SGCD: variants seen among roughly 807,000 people sequenced by gnomAD.
SGCD encodes delta-sarcoglycan.
Under a neutral mutation model 36.6 loss-of-function variants are expected in SGCD, and 18 were observed. The observed-to-expected ratio is 0.49, with a 90% CI of 0.34 to 0.73. The LOEUF (loss-of-function observed/expected upper bound fraction) is 0.73. SGCD is among the 30% of genes least tolerant of loss of function. The probability of loss-of-function intolerance (pLI) is 0.01; values close to 1 mark genes in which losing one functional copy is unlikely to be tolerated. For missense variants in SGCD, 387 were observed against 346.7 expected (o/e 1.12, Z -0.92); for synonymous variants, 133 against 130.6 (o/e 1.02, Z -0.12).
chr5:156,070,937 C>G (rs1439476183), intron 1 of SGCD, among the ~76,000 whole-genome samples: 1 of 152,140 alleles, frequency 6.6e-6, no homozygotes, highest in Admixed American at 6.5e-5. Flanking sequence ...TTGTAGTATT[C>G]TCTGATGGTA....
chr5:156,535,995 C>A (rs974666283), intron 4 of SGCD, among the ~76,000 whole-genome samples: 1 of 152,048 alleles, frequency 6.6e-6, no homozygotes, highest in African/African-American at 2.4e-5. Context: ...AAGAAAGATG[C>A]GTATGAGACA....
At chr5:156,284,959 G>A (rs375478174) in intron 3 of SGCD, among the ~76,000 whole-genome samples, 1 of 152,044 alleles carries the variant, frequency 6.6e-6, no homozygotes, top group African/African-American at 2.4e-5. Flanking sequence ...TAAGCTGATA[G>A]GCAACTTCAG....
intron 1 of SGCD, among the ~76,000 whole-genome samples, chr5:155,936,044 C>T (rs905522994): frequency 4.6e-5 from 7 of 152,090 alleles, no homozygotes; most frequent in Admixed American, 1.3e-4. Flanking sequence ...AATGCTGTGG[C>T]GCCTGGAAGC....
chr5:156,290,528 G>A (rs1766730703), intron 3 of SGCD, among the ~76,000 whole-genome samples: 1 of 152,150 alleles, frequency 6.6e-6, no homozygotes, highest in Non-Finnish European at 1.5e-5. Context: ...AAACAGGTAG[G>A]TTGGCAGTAT....
chr5:156,497,480 T>A (rs923712143), intron 3 of SGCD, among the ~76,000 whole-genome samples: 1 of 152,126 alleles, frequency 6.6e-6, no homozygotes, highest in Non-Finnish European at 1.5e-5. Flanking sequence ...ACAATGGCCT[T>A]GAATCTGTAA....
At chr5:156,500,597 G>A (rs892360634) in intron 3 of SGCD, among the ~76,000 whole-genome samples, 1 of 152,122 alleles carries the variant, frequency 6.6e-6, no homozygotes, top group Non-Finnish European at 1.5e-5. Context: ...TCTGTTAATA[G>A]ATTTTATTAG....
intron 3 of SGCD, among the ~76,000 whole-genome samples, chr5:156,190,435 A>T (rs1581158355): frequency 1.3e-5 from 2 of 152,302 alleles, no homozygotes; most frequent in East Asian, 3.9e-4. Flanking sequence ...AGGAAATATA[A>T]TAATAAGGGG....
chr5:156,144,142 G>C (rs1762650180), intron 3 of SGCD, among the ~76,000 whole-genome samples: 1 of 151,980 alleles, frequency 6.6e-6, no homozygotes. Context: ...TATCGTTGTT[G>C]GACATTTGGG....
At chr5:156,717,368 CTG>C (rs1337656710) in intron 7 of SGCD, among the ~76,000 whole-genome samples, 1 of 152,204 alleles carries the variant, frequency 6.6e-6, no homozygotes, top group East Asian at 1.9e-4. Flanking sequence ...ACATCCTACA[CTG>C]TCATTCTTCA....
In SGCD at chr5:156,089,434, CT is replaced by C. The variant is rs1348790206; in HGVS notation, c.-281-28443del. ...GCTTGACTTACCTTCTGGATAACTT[CT>C]GAAATAAAGGAAGAGCCGTTGTCAT... On this transcript the variant is annotated intron_variant, in intron 1 of 9. Coordinates refer to the SGCD transcript ENST00000517913. 2.0e-5 allele frequency among the ~76,000 whole-genome samples: 3 copies of C among 152,210 alleles called. No homozygotes were observed. In the East Asian group the frequency reaches 5.8e-4, roughly 29 times the overall value.
chr5:155,929,081 A>G (rs1757050376), intron 1 of SGCD, among the ~76,000 whole-genome samples: 1 of 152,192 alleles, frequency 6.6e-6, no homozygotes, highest in South Asian at 2.1e-4. Flanking sequence ...TCTAATTCAA[A>G]TCCCTAGAGT....
intron 3 of SGCD, among the ~76,000 whole-genome samples, chr5:156,300,215 G>C (rs1327109922): frequency 1.3e-5 from 2 of 151,954 alleles, no homozygotes; most frequent in African/African-American, 4.8e-5. Context: ...GATTATGTAA[G>C]TGTTTCCTTT....
intron 1 of SGCD, among the ~76,000 whole-genome samples, chr5:155,922,313 A>G (rs1031864834): frequency 1.3e-5 from 2 of 152,148 alleles, no homozygotes; most frequent in East Asian, 3.9e-4. Flanking sequence ...GTTAAGTGAC[A>G]TGGCAGTGTC....
chr5:155,988,909 C>T (rs577033597), intron 1 of SGCD, among the ~76,000 whole-genome samples: 97 of 152,220 alleles, frequency 6.4e-4, no homozygotes, highest in Middle Eastern at 3.4e-3. Flanking sequence ...TTGAAGGACA[C>T]CCATTTCTTT....
chr5:156,307,550 C>CTGTTGT (rs1179210772), intron 3 of SGCD, among the ~76,000 whole-genome samples: 21 of 71,656 alleles, frequency 2.9e-4, no homozygotes, highest in Non-Finnish European at 4.5e-4. Flanking sequence ...TACATTTTAA[C>CTGTTGT]TGTTGTTTTT....
chr5:156,647,896 A>G (rs1184959406), intron 7 of SGCD, among the ~76,000 whole-genome samples: 1 of 152,188 alleles, frequency 6.6e-6, no homozygotes, highest in East Asian at 1.9e-4. Context: ...TGAAGTCTAA[A>G]TACAATACGA....
the SGCD span, among the ~76,000 whole-genome samples, chr5:155,802,769 AT>A: frequency 6.6e-6 from 1 of 152,106 alleles, no homozygotes; most frequent in Non-Finnish European, 1.5e-5. Flanking sequence ...GAATTTAACT[AT>A]TTTCTCTTTC....
intron 4 of SGCD, among the ~76,000 whole-genome samples, chr5:156,523,387 T>C (rs1757492706): frequency 6.6e-6 from 1 of 152,174 alleles, no homozygotes; most frequent in Admixed American, 6.5e-5. Flanking sequence ...CAGTGGATAA[T>C]GCAACGGAAC....
At chr5:156,198,228 G>T (rs774953751) in intron 3 of SGCD, among the ~76,000 whole-genome samples, 9 of 152,044 alleles carry the variant, frequency 5.9e-5, no homozygotes, top group Non-Finnish European at 1.0e-4. Context: ...GTAAGGGCAG[G>T]TGCAGACCTA....
Sources: allele counts gnomAD v4.1 joint callset (sites outside exome capture counted in the v4.1 genomes callset), GRCh38; gene constraint gnomAD v4.1.1; transcripts MANE v1.5; gene names NCBI Gene and HGNC (gene_info 2026-07-23, HGNC 2026-07-21).